STK32C: variants seen among roughly 807,000 people sequenced by gnomAD.
The protein encoded by STK32C is serine/threonine kinase 32C.
Under a neutral mutation model 56.5 loss-of-function variants are expected in STK32C, and 31 were observed. The observed-to-expected ratio is 0.55, with a 90% CI of 0.41 to 0.74. The LOEUF (loss-of-function observed/expected upper bound fraction) is 0.74, where lower values mean the gene tolerates loss of function less well. STK32C is among the 30% of genes least tolerant of loss of function. The pLI, the probability that STK32C is intolerant of heterozygous loss-of-function variation, is 0.00. For synonymous variants in STK32C, 309 were observed against 289.4 expected, an observed-to-expected ratio of 1.07 and a Z score of -0.69; for missense variants, 544 against 676.9, an observed-to-expected ratio of 0.80 and a Z score of 2.18.
intron 10 of STK32C, among the ~76,000 whole-genome samples, chr10:132,212,369 G>A (rs529829450): frequency 3.9e-5 from 6 of 152,194 alleles, no homozygotes; most frequent in Non-Finnish European, 5.9e-5. Context: ...GATATCCACC[G>A]ATGAGAGAAT....
Position 132,225,866 on chromosome 10 carries a change from C to T in STK32C, c.645-82G>A, listed in dbSNP as rs1054042006. 2.5e-6 allele frequency: 4 copies of T among 1,573,658 alleles called. No homozygotes were observed. The East Asian group carries it at 9.0e-5, about 35-fold the overall frequency. On this transcript the variant is annotated intron_variant, in intron 4 of 11. Coordinates refer to ENST00000298630, the MANE Select transcript of STK32C (RefSeq NM_173575.4). ...GAATCTCTGTCACAATCCCTGGAGT[C>T]CCCAGGACATCCCACCAACCCACTC...
chr10:132,310,613 T>A (rs2138424970), upstream of STK32C, among the ~76,000 whole-genome samples: 1 of 152,258 alleles, frequency 6.6e-6, no homozygotes, highest in East Asian at 1.9e-4. The surrounding 1 kb of genome is among the most constrained non-coding windows in gnomAD (Gnocchi z 4.6). Flanking sequence ...CAGTAGAGAA[T>A]TCCTGAGTTC....
intron 8 of STK32C, 148 bp downstream of exon 8, chr10:132,224,259 G>A (rs1014628396): frequency 4.3e-5 from 28 of 653,664 alleles, no homozygotes; most frequent in African/African-American, 1.4e-4. Context: ...TGCCATCTGC[G>A]GAGGCCCCCA....
intron 10 of STK32C, chr10:132,209,477 ACACCTGTCC>A: frequency 2.5e-6 from 1 of 398,564 alleles, no homozygotes; most frequent in Non-Finnish European, 4.9e-6. Flanking sequence ...CAGCACACAC[ACACCTGTCC>A]CAGGCCTGCT....
At chr10:132,322,465 T>A (rs1438696883), downstream of STK32C, among the ~76,000 whole-genome samples, 1 of 152,234 alleles carries the variant, frequency 6.6e-6, no homozygotes, top group Non-Finnish European at 1.5e-5. Flanking sequence ...ATGGTGTTTT[T>A]ATATCTTGTT....
intron 1 of STK32C, among the ~76,000 whole-genome samples, chr10:132,301,218 C>G (rs775219795): frequency 3.3e-5 from 5 of 150,850 alleles, no homozygotes; most frequent in Admixed American, 6.6e-5. Context: ...CCTGGTCCCC[C>G]ACTAACGTGA....
intron 2 of STK32C, among the ~76,000 whole-genome samples, chr10:132,234,583 G>A (rs1490243131): frequency 6.6e-6 from 1 of 152,234 alleles, no homozygotes; most frequent in Non-Finnish European, 1.5e-5. Flanking sequence ...TGCATCCTGT[G>A]CTCTGTATGG....
At chr10:132,321,211 C>T (rs570019829), downstream of STK32C, among the ~76,000 whole-genome samples, 2 of 152,298 alleles carry the variant, frequency 1.3e-5, no homozygotes, top group South Asian at 4.1e-4. Context: ...ACATGGTGAC[C>T]TGCTTGTCAC....
At chr10:132,264,355 C>T (rs1232726120) in intron 1 of STK32C, among the ~76,000 whole-genome samples, 1 of 152,216 alleles carries the variant, frequency 6.6e-6, no homozygotes, top group East Asian at 1.9e-4. Flanking sequence ...ATGTGGATGC[C>T]ATCACATGGT....
rs2062694349 is a variant in STK32C at position 132,222,124 on chromosome 10, C to G, written c.1251+517G>C. Reference sequence around the variant, plus strand: ...GCCGTCCCCACACACACACCTGATGCTGACGCACCTGGGCGAGTGTGAGGG... The same window carrying G: ...GCCGTCCCCACACACACACCTGATGGTGACGCACCTGGGCGAGTGTGAGGG... On this transcript the variant is annotated intron_variant, in intron 10 of 11. Transcript: ENST00000298630. Among the ~76,000 whole-genome samples, 3 of 136,290 alleles carry G rather than the reference C, an allele frequency of 2.2e-5. 1 individual carries two copies. In the Admixed American group the frequency reaches 2.2e-4, roughly 10 times the overall value. 89.4% of individuals were successfully genotyped at this position (136,290 alleles called of 152,430 possible). A position where few individuals can be genotyped will look rare whatever the true frequency, so the allele number is the denominator to read the frequency against.
Position 132,285,913 on chromosome 10 carries a change from A to G in STK32C, c.262+21659T>C, listed in dbSNP as rs866257732. Among the ~76,000 whole-genome samples, 7 of 152,320 alleles carry G rather than the reference A, an allele frequency of 4.6e-5. No individual in the cohort carries two copies. The South Asian group carries it at 1.5e-3, about 32-fold the overall frequency. On this transcript the variant is annotated intron_variant, in intron 1 of 11. Coordinates refer to ENST00000298630, the MANE Select transcript of STK32C (RefSeq NM_173575.4). ...GAGGCGGGCAGATCATGAGGTCAGG[A>G]GATGGAGATGACCATCCTGGCTAAC...
chr10:132,305,057 C>T (rs938451624), intron 1 of STK32C, among the ~76,000 whole-genome samples: 10 of 152,326 alleles, frequency 6.6e-5, no homozygotes, highest in East Asian at 5.8e-4. Context: ...TGAAGGGGCT[C>T]GCCCAACGCC....
chr10:132,323,192 T>C (rs1401284062), downstream of STK32C, among the ~76,000 whole-genome samples: 1 of 152,196 alleles, frequency 6.6e-6, no homozygotes, highest in Non-Finnish European at 1.5e-5. This position sits in a 1 kb window ranked among gnomAD's most constrained non-coding sequence, Gnocchi z 4.8. Flanking sequence ...CCCCTTACAA[T>C]AGGCTTACCA....
intron 1 of STK32C, among the ~76,000 whole-genome samples, chr10:132,305,564 A>G (rs2050613844): frequency 6.6e-6 from 1 of 152,328 alleles, no homozygotes; most frequent in African/African-American, 2.4e-5. Context: ...CCACGAAAGT[A>G]CCAGGCAAAT....
chr10:132,218,784 T>C (rs752311999), intron 10 of STK32C, among the ~76,000 whole-genome samples: 7 of 152,134 alleles, frequency 4.6e-5, no homozygotes, highest in African/African-American at 1.7e-4. Context: ...TAATGAAAAA[T>C]GTTAACAAGT....
At chr10:132,230,676 TGGC>T (rs1554977762) in intron 2 of STK32C, among the ~76,000 whole-genome samples, 1 of 6,766 alleles carries the variant, frequency 1.5e-4, no homozygotes. Context: ...GGGGGGAAGC[TGGC>T]GGGGGGGGGG....
intron 2 of STK32C, among the ~76,000 whole-genome samples, chr10:132,236,213 A>T (rs992662341): frequency 2.0e-5 from 3 of 152,248 alleles, no homozygotes; most frequent in African/African-American, 4.8e-5. Flanking sequence ...CCCAGGTGGC[A>T]GAGCCTGCGC....
Position 132,264,205 on chromosome 10 carries a change from G to A in STK32C, c.263-18250C>T, listed in dbSNP as rs116729058. ...ACATTGTCAATGCACTAAACACCAC[G>A]GAACTCTTCACTCTAAAGTGGTTAA... On this transcript the variant is annotated intron_variant, in intron 1 of 11. Coordinates refer to ENST00000298630, the MANE Select transcript of STK32C (RefSeq NM_173575.4). Among the ~76,000 whole-genome samples the A allele has an allele frequency of 4.5e-3, 680 of 152,298 alleles. 11 individuals are homozygous for A. The highest frequency in any genetic ancestry group is 0.015 in the African/African-American group (630 of 41,562).
chr10:132,330,672 ATTTTTTTT>A (rs57850207), intron 1 of STK32C, among the ~76,000 whole-genome samples: 1 of 126,944 alleles, frequency 7.9e-6, no homozygotes. Flanking sequence ...CACACCCAGC[ATTTTTTTT>A]TTTTTTTTTT....
Sources: allele counts gnomAD v4.1 joint callset (sites outside exome capture counted in the v4.1 genomes callset), GRCh38; gene constraint gnomAD v4.1.1; non-coding constraint Gnocchi (gnomAD v3.1); transcripts MANE v1.5; gene names NCBI Gene and HGNC (gene_info 2026-07-23, HGNC 2026-07-21).